FOXK1: variants seen among roughly 807,000 people sequenced by gnomAD.
FOXK1 encodes forkhead box protein K1.
Under a neutral mutation model 51.9 loss-of-function variants are expected in FOXK1, and 19 were observed. The ratio of observed to expected loss-of-function variants is 0.37; its 90% CI spans 0.26 to 0.54. The LOEUF is 0.54. FOXK1 is among the 20% of genes least tolerant of loss of function. FOXK1 has a pLI of 0.87. For synonymous variants in FOXK1, 537 were observed against 482.6 expected, an observed-to-expected ratio of 1.11 and a Z score of -1.48; for missense variants, 870 against 1,032.7, an observed-to-expected ratio of 0.84 and a Z score of 2.16.
In FOXK1 at chr7:4,759,519, C is replaced by T. The variant is rs1433405782; in HGVS notation, c.1620C>T (p.Leu540=). 1.9e-5 allele frequency: 30 copies of T among 1,570,094 alleles called. No homozygotes were observed. Among genetic ancestry groups the T allele is most frequent in the Non-Finnish European group, 2.5e-5 (29 of 1,164,280 alleles). ...TSANSANGYI[L]TSQGAAGGSH... is the part of the protein sequence containing the mutation. ...CCAACTCGGCCAACGGATACATCCT[C>T]ACCAGCCAGGGCGCGGCGGGGGGCT... The change falls in exon 7 of 9, where the codon CTC becomes CTT. Residue 540 remains leucine, a synonymous_variant. Transcript: ENST00000328914.
intron 1 of FOXK1, among the ~76,000 whole-genome samples, chr7:4,700,271 G>T (rs1417104857): frequency 6.6e-6 from 1 of 152,124 alleles, no homozygotes; most frequent in Non-Finnish European, 1.5e-5. Context: ...GCACATAGTT[G>T]GCACTTTGTA....
rs1277857288 is a variant in FOXK1 at position 4,682,980 on chromosome 7, C to A, written c.560+112C>A. On this transcript the variant is annotated intron_variant, in intron 1 of 8. Coordinates refer to ENST00000328914, the MANE Select transcript of FOXK1 (RefSeq NM_001037165.2). The surrounding 1 kb of genome is among the most constrained non-coding windows in gnomAD (Gnocchi z 7.6). ...CAGCTTCCTCGGCCTCGACCCCCAC[C>A]CCCCGGCCCACCCCCGGTAACCCCC... 3 of 1,115,796 alleles carry A rather than the reference C, an allele frequency of 2.7e-6. No individual in the cohort carries two copies. The highest frequency in any genetic ancestry group is 3.6e-6 in the Non-Finnish European group (3 of 830,582). The allele number at this position is 1,115,796 out of a possible 1,614,324, so 69.1% of individuals were successfully genotyped here. A position where few individuals can be genotyped will look rare whatever the true frequency, so the allele number is the denominator to read the frequency against.
In FOXK1 at chr7:4,745,185, A is replaced by G. The variant is rs7781115; in HGVS notation, c.746+4162A>G. Among the ~76,000 whole-genome samples, 86,474 of 152,078 alleles carry G rather than the reference A, an allele frequency of 0.57. 25,558 individuals are homozygous for G. The highest frequency in any genetic ancestry group is 0.85 in the East Asian group (4,372 of 5,150). Reference sequence around the variant, plus strand: ...GCTGCCTGCAAGGCTGTCCCCTCCCAGTGCCGCCCCGCCCCCGCGGTGCCT... The same window carrying G: ...GCTGCCTGCAAGGCTGTCCCCTCCCGGTGCCGCCCCGCCCCCGCGGTGCCT... On this transcript the variant is annotated intron_variant, in intron 2 of 8. Transcript: ENST00000328914. The surrounding 1 kb of genome is among the most constrained non-coding windows in gnomAD (Gnocchi z 4.3).
intron 1 of FOXK1, among the ~76,000 whole-genome samples, chr7:4,691,040 C>T (rs1779885113): frequency 1.3e-5 from 2 of 152,074 alleles, no homozygotes; most frequent in Non-Finnish European, 2.9e-5. Flanking sequence ...TTACTTTTCA[C>T]GAGTTTCTAG....
chr7:4,718,405 C>A (rs1416761480), intron 1 of FOXK1, among the ~76,000 whole-genome samples: 4 of 152,244 alleles, frequency 2.6e-5, no homozygotes, highest in African/African-American at 9.6e-5. Context: ...AGCTCAGGGC[C>A]GTCTTTCTGA....
intron 1 of FOXK1, among the ~76,000 whole-genome samples, chr7:4,716,327 C>T (rs958637050): frequency 5.9e-5 from 9 of 151,928 alleles, no homozygotes; most frequent in Admixed American, 5.9e-4. Flanking sequence ...TAGCAAGACC[C>T]TGTTTCTACA....
chr7:4,695,027 TTAAAATGATAGCTG>T (rs1252218740), intron 1 of FOXK1, among the ~76,000 whole-genome samples: 1 of 152,222 alleles, frequency 6.6e-6, no homozygotes, highest in Non-Finnish European at 1.5e-5. Flanking sequence ...GAAAGAATGT[TTAAAATGATAGCTG>T]ATACTGCCAG....
intron 1 of FOXK1, among the ~76,000 whole-genome samples, chr7:4,690,147 G>C (rs1342050805): frequency 2.0e-5 from 3 of 152,230 alleles, no homozygotes; most frequent in Admixed American, 1.3e-4. Context: ...CTGAGACCTG[G>C]TGGCCCCAGG....
chr7:4,764,611 C>A lies in FOXK1; in HGVS notation c.*2147C>A, dbSNP rs538618127. 5.2e-5 allele frequency: 8 copies of A among 153,578 alleles called. 1 individual carries two copies. The highest frequency in any genetic ancestry group is 1.9e-4 in the African/African-American group (8 of 41,590). 9.5% of individuals were successfully genotyped at this position (153,578 alleles called of 1,614,324 possible). A position where few individuals can be genotyped will look rare whatever the true frequency, so the allele number is the denominator to read the frequency against. ...CTCCCCGACACCGGTGCCTGTGTGG[C>A]CTGAGCCGGCGCCCTCCCGGGAGCG... On this transcript the variant is annotated 3_prime_UTR_variant, in exon 9 of 9. Coordinates refer to ENST00000328914, the MANE Select transcript of FOXK1 (RefSeq NM_001037165.2).
rs1780713433 is a variant in FOXK1 at position 4,747,150 on chromosome 7, C to G, written c.746+6127C>G. Among the ~76,000 whole-genome samples the G allele has an allele frequency of 6.6e-6, 1 of 152,234 alleles. No homozygotes were observed. Among genetic ancestry groups the G allele is most frequent in the Non-Finnish European group, 1.5e-5 (1 of 68,050 alleles). ...TCCCCACGCCCGCGTTTCCTGTAAT[C>G]TCGGAGGGTCCTAGCGCCCGACTTC... On this transcript the variant is annotated intron_variant, in intron 2 of 8. Transcript: ENST00000328914. This position sits in a 1 kb window ranked among gnomAD's most constrained non-coding sequence, Gnocchi z 9.2.
intron 1 of FOXK1, among the ~76,000 whole-genome samples, chr7:4,713,510 TG>T (rs1780200264): frequency 6.6e-6 from 1 of 152,028 alleles, no homozygotes. Flanking sequence ...GTTTTTTTTT[TG>T]AGGCGGAGTC....
At chr7:4,754,645 C>G (rs768886110) in intron 3 of FOXK1, 30 bp downstream of exon 3, 2 of 1,593,338 alleles carry the variant, frequency 1.3e-6, no homozygotes, top group Non-Finnish European at 1.7e-6. Flanking sequence ...CGTGGTGCAC[C>G]TGGTGACCCA....
chr7:4,746,120 C>T (rs557451386), intron 2 of FOXK1, among the ~76,000 whole-genome samples: 30 of 152,148 alleles, frequency 2.0e-4, no homozygotes, highest in African/African-American at 3.9e-4. Flanking sequence ...ATTTCTCCAA[C>T]GTGGAGATCA....
chr7:4,688,888 G>A (rs914139783), intron 1 of FOXK1, among the ~76,000 whole-genome samples: 2 of 152,052 alleles, frequency 1.3e-5, no homozygotes. Flanking sequence ...TGCACGCAGA[G>A]GTGAAAATGT....
intron 2 of FOXK1, among the ~76,000 whole-genome samples, chr7:4,741,580 C>T (rs189360932): frequency 5.4e-4 from 83 of 152,350 alleles, no homozygotes; most frequent in Admixed American, 4.2e-3. Flanking sequence ...ATCCACCCGC[C>T]TTGGCCTCCC....
rs1458021206 is a variant in FOXK1, at chr7:4,745,125, C to G, written c.746+4102C>G. Among the ~76,000 whole-genome samples, 1 of 152,224 alleles carries G rather than the reference C, an allele frequency of 6.6e-6. No individual in the cohort carries two copies. The highest frequency in any genetic ancestry group is 1.5e-5 in the Non-Finnish European group (1 of 68,038). On this transcript the variant is annotated intron_variant, in intron 2 of 8. Coordinates refer to ENST00000328914, the MANE Select transcript of FOXK1 (RefSeq NM_001037165.2). This position sits in a 1 kb window ranked among gnomAD's most constrained non-coding sequence, Gnocchi z 4.3. ...TCTCTGGCTGCGCTCCCTAACAGAT[C>G]GGGAGGTGGGAGCGGGGCCAGGCCA...
rs1583201270 is a variant in FOXK1, at chr7:4,734,793, T to A, written c.561-6045T>A. Among the ~76,000 whole-genome samples, 2 of 152,312 alleles carry A rather than the reference T, an allele frequency of 1.3e-5. No homozygotes were observed. The highest frequency in any genetic ancestry group is 6.8e-3 in the Middle Eastern group (2 of 294). ...GAGATGTCACTGTCTGCCGCTTCTG[T>A]GTTGGGTGCCCTCGTCCAGGCCTCG... On this transcript the variant is annotated intron_variant, in intron 1 of 8. Transcript: ENST00000328914. The surrounding 1 kb of genome is among the most constrained non-coding windows in gnomAD (Gnocchi z 5.2).
rs1377264340 is a variant in FOXK1 at position 4,733,636 on chromosome 7, G to T, written c.561-7202G>T. On this transcript the variant is annotated intron_variant, in intron 1 of 8. Coordinates refer to ENST00000328914, the MANE Select transcript of FOXK1 (RefSeq NM_001037165.2). The surrounding 1 kb of genome is among the most constrained non-coding windows in gnomAD (Gnocchi z 5.0). Reference sequence around the variant, plus strand: ...CCATGTTTGCTATAGAAGCAGGAGAGAAGGTGCTCTGGGAACTACAGCCTC... The same window carrying T: ...CCATGTTTGCTATAGAAGCAGGAGATAAGGTGCTCTGGGAACTACAGCCTC... 6.6e-6 allele frequency among the ~76,000 whole-genome samples: 1 copy of T among 152,240 alleles called. No individual in the cohort carries two copies. Among genetic ancestry groups the T allele is most frequent in the African/African-American group, 2.4e-5 (1 of 41,460 alleles).
intron 2 of FOXK1, among the ~76,000 whole-genome samples, chr7:4,746,691 A>G (rs1290437277): frequency 6.6e-6 from 1 of 152,216 alleles, no homozygotes; most frequent in Non-Finnish European, 1.5e-5. Flanking sequence ...CTGTCTCAAA[A>G]AATTAATAAT....
Sources: gnomAD v4.1 joint callset for allele counts (sites outside exome capture counted in the v4.1 genomes callset) on GRCh38, gnomAD v4.1.1 for gene constraint, Gnocchi (gnomAD v3.1) non-coding constraint, MANE v1.5 for transcripts, NCBI Gene and HGNC (gene_info 2026-07-23, HGNC 2026-07-21) for gene names.